PTGER3: variants seen among roughly 807,000 people sequenced by gnomAD.
PTGER3 encodes prostaglandin E receptor 3, also known as prostaglandin E2 receptor EP3 subtype.
Under a neutral mutation model 34.7 loss-of-function variants are expected in PTGER3, and 22 were observed. That is an observed-to-expected ratio of 0.63 (90% CI 0.45 to 0.91). The LOEUF (loss-of-function observed/expected upper bound fraction) is 0.91, where lower values mean the gene tolerates loss of function less well. Among genes scored for constraint, PTGER3 ranks in the 40% least tolerant of loss-of-function variants. PTGER3 has a pLI of 0.00. For missense variants in PTGER3, 468 were observed against 519.4 expected (o/e 0.90, Z 0.96); for synonymous variants, 241 against 230.1 (o/e 1.05, Z -0.43).
chr1:70,963,092 G>T (rs1314572106), intron 2 of PTGER3, among the ~76,000 whole-genome samples: 5 of 152,206 alleles, frequency 3.3e-5, no homozygotes, highest in Non-Finnish European at 7.3e-5. Flanking sequence ...GGCAGTCAAA[G>T]CTTAAAGCTC....
intron 2 of PTGER3, among the ~76,000 whole-genome samples, chr1:70,978,761 G>T (rs1382204401): frequency 6.6e-6 from 1 of 152,046 alleles, no homozygotes; most frequent in Non-Finnish European, 1.5e-5. Flanking sequence ...TTCTTCTTAG[G>T]CACCATGCCA....
rs118085965 is a variant in PTGER3, at chr1:70,886,509, C to T, written c.*24-33650G>A. ...CTGGGACACTATCTCCCAGATACCA[C>T]AAGGCTCACTTTCTCATTCATTCAG... On this transcript the variant is annotated intron_variant, in intron 4 of 4. Transcript: ENST00000370931. Among the ~76,000 whole-genome samples, 296 of 152,318 alleles carry T rather than the reference C, an allele frequency of 1.9e-3. 5 individuals are homozygous for T. In the East Asian group the frequency reaches 0.047, roughly 24 times the overall value.
intron 4 of PTGER3, among the ~76,000 whole-genome samples, chr1:70,897,192 G>C (rs551571299): frequency 7.2e-4 from 109 of 152,224 alleles, no homozygotes; most frequent in Admixed American, 2.0e-3. Context: ...GGAGGTTAGG[G>C]ACAGTGAGGT....
rs2101024856 is a variant in PTGER3 at position 71,047,718 on chromosome 1, C to T, written c.-141G>A. On this transcript the variant is annotated 5_prime_UTR_variant, in exon 1 of 4. Coordinates refer to ENST00000306666, the MANE Select transcript of PTGER3 (RefSeq NM_198719.2). ...CCATGGTGCGGGGCGCAGCCGCCGC[C>T]CTACTCCGCTGCTGGGACCGCGGCC... is the stretch of plus-strand genomic sequence containing the variant. 2.2e-6 allele frequency: 2 copies of T among 917,816 alleles called. No homozygotes were observed. The highest frequency in any genetic ancestry group is 3.8e-5 in the South Asian group (1 of 26,322). The allele number at this position is 917,816 out of a possible 1,614,324, so 56.9% of individuals were successfully genotyped here. A position where few individuals can be genotyped will look rare whatever the true frequency, so the allele number is the denominator to read the frequency against.
intron 4 of PTGER3, among the ~76,000 whole-genome samples, chr1:70,866,946 C>T (rs1646055184): frequency 6.6e-6 from 1 of 152,214 alleles, no homozygotes; most frequent in Admixed American, 6.5e-5. Flanking sequence ...AGCCTGTTCT[C>T]CTTACCACAT....
downstream of PTGER3, among the ~76,000 whole-genome samples, chr1:70,969,901 C>T (rs976043592): frequency 1.2e-4 from 19 of 152,120 alleles, no homozygotes; most frequent in African/African-American, 3.4e-4. Context: ...ATTTTATGTA[C>T]GTTATTACAA....
chr1:70,900,957 T>C (rs765254078), intron 4 of PTGER3, among the ~76,000 whole-genome samples: 2 of 152,168 alleles, frequency 1.3e-5, no homozygotes, highest in African/African-American at 2.4e-5. Context: ...AGGAGTGTCT[T>C]AGACATACTG....
intron 2 of PTGER3, among the ~76,000 whole-genome samples, chr1:70,959,133 CA>C (rs1433529102): frequency 6.6e-6 from 1 of 152,070 alleles, no homozygotes; most frequent in Non-Finnish European, 1.5e-5. Flanking sequence ...CTTTTTTGCT[CA>C]GAATTGCTGT....
chr1:71,013,592 C>T (rs890012514), intron 1 of PTGER3, among the ~76,000 whole-genome samples: 14 of 151,606 alleles, frequency 9.2e-5, no homozygotes, highest in Admixed American at 2.0e-4. Flanking sequence ...ATCCCAGCTA[C>T]TCAGGAGGCT....
chr1:71,029,828 A>G (rs1557758161), intron 1 of PTGER3, among the ~76,000 whole-genome samples: 1 of 151,956 alleles, frequency 6.6e-6, no homozygotes, highest in Non-Finnish European at 1.5e-5. Flanking sequence ...CCGGAGGCTG[A>G]GGCAGGAGAA....
At chr1:71,025,956 C>T (rs1220719539) in intron 1 of PTGER3, among the ~76,000 whole-genome samples, 1 of 152,174 alleles carries the variant, frequency 6.6e-6, no homozygotes, top group Non-Finnish European at 1.5e-5. Context: ...CTTTCAGCTC[C>T]TCAAGTTGTG....
chr1:71,045,084 G>C (rs1660641342), intron 1 of PTGER3, among the ~76,000 whole-genome samples: 1 of 152,142 alleles, frequency 6.6e-6, no homozygotes, highest in Non-Finnish European at 1.5e-5. Context: ...ATCAGCCTGA[G>C]TTCCAACTCC....
chr1:71,014,767 T>G (rs140634171), intron 1 of PTGER3, among the ~76,000 whole-genome samples: 29 of 152,292 alleles, frequency 1.9e-4, no homozygotes, highest in Non-Finnish European at 3.5e-4. Flanking sequence ...GAAATAAATG[T>G]CTGCTGTTTA....
chr1:70,875,505 T>TAGAG (rs1646254182), intron 4 of PTGER3, among the ~76,000 whole-genome samples: 2 of 152,286 alleles, frequency 1.3e-5, no homozygotes, highest in South Asian at 4.1e-4. Context: ...GAGGTACATG[T>TAGAG]GTAGGTTTGT....
At chr1:70,862,011 T>C (rs1645937633) in intron 4 of PTGER3, among the ~76,000 whole-genome samples, 1 of 151,950 alleles carries the variant, frequency 6.6e-6, no homozygotes, top group Non-Finnish European at 1.5e-5. Flanking sequence ...TTAGTAGTTG[T>C]TTAATCAATG....
At chr1:70,982,285 A>G (rs1654454278) in intron 2 of PTGER3, among the ~76,000 whole-genome samples, 1 of 152,166 alleles carries the variant, frequency 6.6e-6, no homozygotes, top group African/African-American at 2.4e-5. Flanking sequence ...AAATAAGCTC[A>G]GTCTTACACC....
intron 4 of PTGER3, among the ~76,000 whole-genome samples, chr1:70,853,920 C>T (rs1391950110): frequency 2.6e-5 from 4 of 152,252 alleles, no homozygotes; most frequent in African/African-American, 9.6e-5. Context: ...TGGATATCCA[C>T]ATGCAAAAGA....
intron 4 of PTGER3, among the ~76,000 whole-genome samples, chr1:70,926,149 A>C (rs1648062367): frequency 6.6e-6 from 1 of 152,216 alleles, no homozygotes; most frequent in South Asian, 2.1e-4. Context: ...TAGTGGTTGT[A>C]GGGACAAATT....
chr1:70,993,999 C>T (rs1410158120), intron 2 of PTGER3, among the ~76,000 whole-genome samples: 1 of 152,164 alleles, frequency 6.6e-6, no homozygotes, highest in Non-Finnish European at 1.5e-5. Context: ...GACTTCATAG[C>T]TGTGTTACCA....
Sources: gnomAD v4.1 joint callset for allele counts (sites outside exome capture counted in the v4.1 genomes callset) on GRCh38, gnomAD v4.1.1 for gene constraint, MANE v1.5 for transcripts, NCBI Gene and HGNC (gene_info 2026-07-23, HGNC 2026-07-21) for gene names.